Variants in LINGO2 observed in about 807,000 individuals in gnomAD.
LINGO2 encodes leucine rich repeat and Ig domain containing 2, also known as leucine-rich repeat and immunoglobulin-like domain-containing nogo receptor-interacting protein 2.
LINGO2 carries 14 observed loss-of-function variants against 30.6 expected under a neutral mutation model. The ratio of observed to expected loss-of-function variants is 0.46; its 90% CI spans 0.30 to 0.72. The LOEUF is 0.72. Ranked by LOEUF, LINGO2 falls within the 30% of genes least tolerant of loss-of-function variation. The pLI is 0.07. For missense variants in LINGO2, 729 were observed against 751.7 expected (o/e 0.97, Z 0.35); for synonymous variants, 317 against 288.5 (o/e 1.10, Z -1.00).
chr9:29,207,481 A>G, the LINGO2 span, among the ~76,000 whole-genome samples: 3 of 152,222 alleles, frequency 2.0e-5, no homozygotes, highest in East Asian at 1.9e-4. Context: ...CACAAACTCT[A>G]TGGTGCTACC....
intron 1 of LINGO2, among the ~76,000 whole-genome samples, chr9:28,511,135 C>G (rs773799129): frequency 1.6e-4 from 25 of 152,274 alleles, no homozygotes; most frequent in Non-Finnish European, 1.8e-4. Flanking sequence ...TACTTTGTAT[C>G]TTTCAGTCCA....
chr9:28,014,142 T>C (rs1448358514), intron 4 of LINGO2, among the ~76,000 whole-genome samples: 1 of 152,166 alleles, frequency 6.6e-6, no homozygotes, highest in East Asian at 1.9e-4. Context: ...GCAGGCCTTA[T>C]TCAATAATTC....
chr9:28,100,342 T>A (rs1372307297), intron 4 of LINGO2, among the ~76,000 whole-genome samples: 1 of 152,048 alleles, frequency 6.6e-6, no homozygotes, highest in African/African-American at 2.4e-5. Context: ...CAGAGACAAA[T>A]GCAATGCTCC....
At chr9:28,911,139 G>C in the LINGO2 span, among the ~76,000 whole-genome samples, 2 of 152,010 alleles carry the variant, frequency 1.3e-5, no homozygotes, top group East Asian at 1.9e-4. Context: ...GTCAATAAAA[G>C]AGGCAGTAAT....
At chr9:29,048,999 A>C in the LINGO2 span, among the ~76,000 whole-genome samples, 1 of 152,240 alleles carries the variant, frequency 6.6e-6, no homozygotes, top group Admixed American at 6.5e-5. Flanking sequence ...TCTGCACAGC[A>C]AAATAAACAA....
In LINGO2 at chr9:28,129,291, T is replaced by C. The variant is rs1827320839; in HGVS notation, c.-86-116886A>G. Among the ~76,000 whole-genome samples, 1 of 152,202 alleles carries C rather than the reference T, an allele frequency of 6.6e-6. No individual in the cohort carries two copies. Among genetic ancestry groups the C allele is most frequent in the African/African-American group, 2.4e-5 (1 of 41,442 alleles). ...CTCCTTTTGGTATATACATATATCC[T>C]ATTAGTTGTATCCCTCTGGAGAACC... On this transcript the variant is annotated intron_variant, in intron 4 of 5. Transcript: ENST00000379992. This position sits in a 1 kb window ranked among gnomAD's most constrained non-coding sequence, Gnocchi z 4.0.
intron 4 of LINGO2, among the ~76,000 whole-genome samples, chr9:28,145,822 G>T (rs757688838): frequency 3.9e-5 from 6 of 152,088 alleles, no homozygotes; most frequent in Non-Finnish European, 7.3e-5. Context: ...TTCAGCAAAA[G>T]TGGCAGAAAC....
At chr9:28,405,441 T>A (rs1822465104) in intron 2 of LINGO2, among the ~76,000 whole-genome samples, 1 of 152,176 alleles carries the variant, frequency 6.6e-6, no homozygotes, top group African/African-American at 2.4e-5. Flanking sequence ...TTAGAGGTCT[T>A]ACTGTCACAT....
At chr9:29,072,603 T>C in the LINGO2 span, among the ~76,000 whole-genome samples, 2 of 123,132 alleles carry the variant, frequency 1.6e-5, no homozygotes, top group East Asian at 2.3e-4. Flanking sequence ...TATATATATG[T>C]CTCTCTTTGA....
At chr9:28,715,461 T>C in the LINGO2 span, among the ~76,000 whole-genome samples, 1 of 152,144 alleles carries the variant, frequency 6.6e-6, no homozygotes, top group African/African-American at 2.4e-5. Flanking sequence ...TTCTGCAATG[T>C]ACACTTATAA....
At chr9:29,130,092 C>G in the LINGO2 span, among the ~76,000 whole-genome samples, 1 of 152,038 alleles carries the variant, frequency 6.6e-6, no homozygotes, top group Non-Finnish European at 1.5e-5. Flanking sequence ...GAATGTTTCT[C>G]AAAAAGTAAT....
chr9:28,544,570 A>C lies in LINGO2; in HGVS notation c.-364-68545T>G, dbSNP rs186565277. 3.3e-5 allele frequency among the ~76,000 whole-genome samples: 5 copies of C among 152,230 alleles called. No individual in the cohort carries two copies. In the East Asian group the frequency reaches 9.7e-4, roughly 29 times the overall value. The stretch of plus-strand genomic sequence containing the variant: ...TTGCAAAGGACCTACCATGGAGTCC[A>C]GAGTGGGCATTCCCACCCATGTTAG... On this transcript the variant is annotated intron_variant, in intron 1 of 5. Transcript: ENST00000379992.
chr9:28,539,483 CAT>C (rs958775325), intron 1 of LINGO2, among the ~76,000 whole-genome samples: 63 of 151,718 alleles, frequency 4.2e-4, no homozygotes, highest in African/African-American at 1.2e-3. Context: ...CACACACACA[CAT>C]GAAATTTTAG....
At chr9:28,275,998 C>T (rs968281844) in intron 4 of LINGO2, among the ~76,000 whole-genome samples, 2 of 152,090 alleles carry the variant, frequency 1.3e-5, no homozygotes, top group African/African-American at 2.4e-5. Context: ...CTTAACCTCT[C>T]TGAGCTTTAA....
At chr9:28,301,723 A>AT (rs1262077833) in intron 3 of LINGO2, among the ~76,000 whole-genome samples, 2 of 152,194 alleles carry the variant, frequency 1.3e-5, no homozygotes, top group Admixed American at 1.3e-4. Flanking sequence ...GCATAAAGTG[A>AT]GAAATGGCCT....
intron 4 of LINGO2, among the ~76,000 whole-genome samples, chr9:28,049,748 A>G (rs1254807697): frequency 6.6e-6 from 1 of 150,556 alleles, no homozygotes; most frequent in Non-Finnish European, 1.5e-5. Context: ...GGGCTTTGAC[A>G]TTACTGGAAC....
chr9:28,663,194 G>A (rs1336068445), intron 1 of LINGO2, among the ~76,000 whole-genome samples: 1 of 152,034 alleles, frequency 6.6e-6, no homozygotes, highest in East Asian at 1.9e-4. Context: ...GGTGGGGAAC[G>A]GAGTCTCACT....
At chr9:28,836,136 C>T in the LINGO2 span, among the ~76,000 whole-genome samples, 25 of 152,028 alleles carry the variant, frequency 1.6e-4, no homozygotes, top group Non-Finnish European at 3.2e-4. Flanking sequence ...ATCCAAACTG[C>T]GGAGTAAGAA....
the LINGO2 span, among the ~76,000 whole-genome samples, chr9:28,973,366 G>C: frequency 2.7e-4 from 41 of 152,242 alleles, no homozygotes; most frequent in African/African-American, 9.4e-4. Context: ...TACATGCCAG[G>C]AGAGAGTGGT....
Sources: allele counts gnomAD v4.1 joint callset (sites outside exome capture counted in the v4.1 genomes callset), GRCh38; gene constraint gnomAD v4.1.1; non-coding constraint Gnocchi (gnomAD v3.1); transcripts MANE v1.5; gene names NCBI Gene and HGNC (gene_info 2026-07-23, HGNC 2026-07-21).